The following DIP2C variants were observed in gnomAD, a reference collection of about 807,000 sequenced individuals.
The protein encoded by DIP2C is DIP2 acetate--CoA ligase C (putative).
A neutral mutation model predicts 192.4 loss-of-function variants in DIP2C; 33 were observed. The ratio of observed to expected loss-of-function variants is 0.17; its 90% confidence interval spans 0.13 to 0.23. DIP2C has a LOEUF of 0.23. Among genes scored for constraint, DIP2C ranks in the 10% least tolerant of loss-of-function variants. The probability of loss-of-function intolerance (pLI) is 1.00; values close to 1 mark genes in which losing one functional copy is unlikely to be tolerated. For missense variants in DIP2C, 1,537 were observed against 2,110.1 expected, an observed-to-expected ratio of 0.73 and a Z score of 5.32; for synonymous variants, 979 against 864.1, an observed-to-expected ratio of 1.13 and a Z score of -2.33.
rs141144190 is a variant in DIP2C at position 371,354 on chromosome 10, A to G, written c.1992-1721T>C. Reference sequence around the variant, plus strand: ...GGATGCAGGGGCTGTTCAGACACAGATGCCCCTGGACTTACAACTTGATAA... The same window carrying G: ...GGATGCAGGGGCTGTTCAGACACAGGTGCCCCTGGACTTACAACTTGATAA... On this transcript the variant is annotated intron_variant, in intron 17 of 36. Coordinates refer to ENST00000280886, the MANE Select transcript of DIP2C (RefSeq NM_014974.3). Among the ~76,000 whole-genome samples, 362 of 152,326 alleles carry G rather than the reference A, an allele frequency of 2.4e-3. 1 individual carries two copies. Among genetic ancestry groups the G allele is most frequent in the Non-Finnish European group, 3.7e-3 (255 of 68,038 alleles).
At chr10:501,741 A>G (rs1845245292) in intron 1 of DIP2C, among the ~76,000 whole-genome samples, 2 of 152,128 alleles carry the variant, frequency 1.3e-5, no homozygotes, top group African/African-American at 4.8e-5. Context: ...AGGCACCGCA[A>G]TATCCATTCA....
At position 651,514 on chromosome 10, in the gene DIP2C, AG is replaced by A; in HGVS notation, c.85+37979del. The A allele has an allele frequency of 1.9e-6, 1 of 529,826 alleles. No homozygotes were observed. The highest frequency in any genetic ancestry group is 2.8e-5 in the Admixed American group (1 of 36,354). The allele number at this position is 529,826 out of a possible 1,614,324, so 32.8% of individuals were successfully genotyped here. A position where few individuals can be genotyped will look rare whatever the true frequency, so the allele number is the denominator to read the frequency against. ...TATATGAAAATCCGTATCCACGTGA[AG>A]GTATTATGCAAAAAAAGCTTAACTT... On this transcript the variant is annotated intron_variant, in intron 1 of 36. Transcript: ENST00000280886. This position sits in a 1 kb window ranked among gnomAD's most constrained non-coding sequence, Gnocchi z 4.1.
At chr10:491,506 T>TGACA (rs1302265169) in intron 1 of DIP2C, among the ~76,000 whole-genome samples, 1 of 152,142 alleles carries the variant, frequency 6.6e-6, no homozygotes, top group Non-Finnish European at 1.5e-5. Context: ...TGCAGACCGG[T>TGACA]GACAGCTCCT....
At chr10:674,966 T>G (rs1830823615) in intron 1 of DIP2C, among the ~76,000 whole-genome samples, 1 of 151,922 alleles carries the variant, frequency 6.6e-6, no homozygotes, top group African/African-American at 2.4e-5. Context: ...ACAGAACATT[T>G]CATCCAACAG....
chr10:537,527 A>C (rs1488177057), intron 1 of DIP2C, among the ~76,000 whole-genome samples: 7 of 149,432 alleles, frequency 4.7e-5, no homozygotes, highest in African/African-American at 7.4e-5. Context: ...TCTGCCCCCC[A>C]CACATTTGTC....
At chr10:551,065 T>G (rs1848559736) in intron 1 of DIP2C, among the ~76,000 whole-genome samples, 1 of 152,110 alleles carries the variant, frequency 6.6e-6, no homozygotes, top group South Asian at 2.1e-4. Flanking sequence ...ACATACCTGA[T>G]GCAAACCATG....
chr10:515,646 C>T (rs1437289297), intron 1 of DIP2C, among the ~76,000 whole-genome samples: 1 of 152,146 alleles, frequency 6.6e-6, no homozygotes, highest in African/African-American at 2.4e-5. Context: ...ACTGCCTGAA[C>T]CCGGGAGGCA....
intron 17 of DIP2C, among the ~76,000 whole-genome samples, chr10:373,824 G>T (rs891639972): frequency 6.6e-6 from 1 of 152,178 alleles, no homozygotes; most frequent in African/African-American, 2.4e-5. Context: ...CGTCACAGCT[G>T]TAAGATCATG....
At chr10:415,109 A>C (rs1965544300) in intron 7 of DIP2C, among the ~76,000 whole-genome samples, 1 of 151,988 alleles carries the variant, frequency 6.6e-6, no homozygotes, top group South Asian at 2.1e-4. Context: ...TATTTTCCTG[A>C]GTAAAACTAA....
chr10:416,107 T>C (rs948247273), intron 6 of DIP2C, among the ~76,000 whole-genome samples: 3 of 151,780 alleles, frequency 2.0e-5, no homozygotes, highest in African/African-American at 7.3e-5. Context: ...TCTACCACGT[T>C]CCAGGATGTG....
chr10:286,484 A>C lies in DIP2C; in HGVS notation c.4045-137T>G, dbSNP rs927660984. On this transcript the variant is annotated intron_variant, in intron 33 of 36. Transcript: ENST00000280886. ...AGCAATTAAATCAAAACTATATGCC[A>C]CATAGTTATGACCCATTATACAACC... 2.9e-5 allele frequency: 22 copies of C among 746,366 alleles called. No individual in the cohort carries two copies. The Admixed American group carries it at 4.2e-4, about 14-fold the overall frequency. 46.2% of individuals were successfully genotyped at this position (746,366 alleles called of 1,614,324 possible). A position where few individuals can be genotyped will look rare whatever the true frequency, so the allele number is the denominator to read the frequency against.
At chr10:434,267 C>CA (rs1228766419) in intron 4 of DIP2C, among the ~76,000 whole-genome samples, 2 of 152,200 alleles carry the variant, frequency 1.3e-5, no homozygotes, top group Non-Finnish European at 2.9e-5. Flanking sequence ...CTCCTACCTT[C>CA]ACTGTTCCTT....
chr10:420,949 G>A (rs143920722), intron 5 of DIP2C, among the ~76,000 whole-genome samples: 2 of 152,256 alleles, frequency 1.3e-5, no homozygotes, highest in East Asian at 1.9e-4. Flanking sequence ...GCACGCAGAC[G>A]CACGATCACA....
intron 3 of DIP2C, among the ~76,000 whole-genome samples, chr10:469,474 G>A (rs1970465030): frequency 6.6e-6 from 1 of 151,966 alleles, no homozygotes; most frequent in Non-Finnish European, 1.5e-5. Context: ...GCACCACCAT[G>A]CCTGGCTAAT....
At chr10:514,937 C>CA (rs1002668946) in intron 1 of DIP2C, among the ~76,000 whole-genome samples, 6 of 152,054 alleles carry the variant, frequency 3.9e-5, no homozygotes, top group African/African-American at 7.2e-5. Context: ...TCAGTAGTAG[C>CA]AAAAAACAAG....
At chr10:351,575 T>C (rs902936248) in intron 24 of DIP2C, among the ~76,000 whole-genome samples, 7 of 152,160 alleles carry the variant, frequency 4.6e-5, no homozygotes, top group Non-Finnish European at 8.8e-5. Flanking sequence ...CACATTTTCC[T>C]TGATTATTTC....
chr10:357,580 G>A (rs1385143220), intron 23 of DIP2C, among the ~76,000 whole-genome samples: 2 of 152,162 alleles, frequency 1.3e-5, no homozygotes, highest in African/African-American at 4.8e-5. Flanking sequence ...GAAATTATAT[G>A]GTCTCTTGCA....
At chr10:374,305 C>T (rs1007853153) in intron 17 of DIP2C, among the ~76,000 whole-genome samples, 1 of 152,262 alleles carries the variant, frequency 6.6e-6, no homozygotes, top group African/African-American at 2.4e-5. Flanking sequence ...TTAAGAAGAC[C>T]TAAATATCCT....
chr10:367,696 CG>C (rs1193987966), intron 18 of DIP2C, among the ~76,000 whole-genome samples: 2 of 152,162 alleles, frequency 1.3e-5, no homozygotes, highest in African/African-American at 4.8e-5. Context: ...ATTCACCAAA[CG>C]GGGGGGCTCA....
Sources: gnomAD v4.1 joint callset for allele counts (sites outside exome capture counted in the v4.1 genomes callset) on GRCh38, gnomAD v4.1.1 for gene constraint, Gnocchi (gnomAD v3.1) non-coding constraint, MANE v1.5 for transcripts, NCBI Gene and HGNC (gene_info 2026-07-23, HGNC 2026-07-21) for gene names.